The following AXDND1 variants were observed in gnomAD, a reference collection of about 807,000 sequenced individuals.
The protein encoded by AXDND1 is axonemal dynein light chain domain containing 1, also known as axonemal dynein light chain domain-containing protein 1.
In AXDND1, 110 loss-of-function variants were observed where a neutral mutation model predicts 137.5. The observed-to-expected ratio is 0.80, with a 90% CI of 0.69 to 0.94. The LOEUF (loss-of-function observed/expected upper bound fraction) is 0.94. AXDND1 is among the 40% of genes least tolerant of loss of function. The pLI, the probability that AXDND1 is intolerant of heterozygous loss-of-function variation, is 0.00. For missense variants in AXDND1, 1,191 were observed against 1,169.8 expected, an observed-to-expected ratio of 1.02 and a Z score of -0.26; for synonymous variants, 414 against 399.7, an observed-to-expected ratio of 1.04 and a Z score of -0.43.
chr1:179,405,859 C>G (rs1371805250), intron 11 of AXDND1, among the ~76,000 whole-genome samples: 3 of 151,110 alleles, frequency 2.0e-5, no homozygotes, highest in Non-Finnish European at 4.4e-5. Context: ...TTTAGTTTCT[C>G]TCATTTATTT....
chr1:179,511,750 C>G (rs1249748537), intron 21 of AXDND1, among the ~76,000 whole-genome samples: 1 of 152,060 alleles, frequency 6.6e-6, no homozygotes, highest in African/African-American at 2.4e-5. Context: ...TTGATTATGG[C>G]CATTCTTGCA....
intron 21 of AXDND1, among the ~76,000 whole-genome samples, chr1:179,518,787 C>G (rs1385329200): frequency 1.3e-5 from 2 of 152,080 alleles, no homozygotes; most frequent in East Asian, 3.9e-4. Context: ...TCTAGTCTAT[C>G]ATTGATGGAT....
intron 12 of AXDND1, among the ~76,000 whole-genome samples, chr1:179,423,582 A>G (rs967182749): frequency 6.6e-6 from 1 of 151,944 alleles, no homozygotes; most frequent in Non-Finnish European, 1.5e-5. Flanking sequence ...GCCTTTTTTT[A>G]AGTGAATCTG....
intron 15 of AXDND1, among the ~76,000 whole-genome samples, chr1:179,436,733 G>A (rs935620358): frequency 7.2e-5 from 11 of 151,984 alleles, no homozygotes; most frequent in Non-Finnish European, 1.6e-4. Flanking sequence ...AGGACAAATA[G>A]CTAATGCATG....
chr1:179,458,875 G>A (rs893606051), intron 16 of AXDND1, among the ~76,000 whole-genome samples: 5 of 150,412 alleles, frequency 3.3e-5, no homozygotes, highest in Non-Finnish European at 5.9e-5. Flanking sequence ...TTTTTTTTTG[G>A]TGGTTCTAGA....
chr1:179,378,516 C>G, intron 4 of AXDND1, 121 bp from the exon 5 acceptor site: 1 of 618,346 alleles, frequency 1.6e-6, no homozygotes, highest in South Asian at 4.5e-5. Flanking sequence ...GTAAGGAGAT[C>G]AGTTTTGCTG....
Position 179,378,753 on chromosome 1 carries a change from A to C in AXDND1, c.491A>C (p.His164Pro). The change falls in exon 5 of 26, where the codon CAT becomes CCT. Residue 164 changes from histidine to proline, a missense_variant. Coordinates refer to ENST00000367618, the MANE Select transcript of AXDND1 (RefSeq NM_144696.6). ...LQSHDGVIVPHKPKTLTDTLI... is the reference protein window; with the variant it reads ...LQSHDGVIVPPKPKTLTDTLI... ...TCACATGATGGTGTCATTGTGCCCC[A>C]TAAGGTAAATAAAGTATTTGACAAA... is the stretch of plus-strand genomic sequence containing the variant. 6.5e-7 allele frequency: 1 copy of C among 1,537,724 alleles called. No homozygotes were observed. Among genetic ancestry groups the C allele is most frequent in the Non-Finnish European group, 8.8e-7 (1 of 1,140,652 alleles).
intron 5 of AXDND1, among the ~76,000 whole-genome samples, 180 bp downstream of exon 5, chr1:179,378,937 G>C (rs1272253489): frequency 6.6e-6 from 1 of 152,102 alleles, no homozygotes; most frequent in Non-Finnish European, 1.5e-5. Flanking sequence ...AGGGTATTTA[G>C]CAGGAAAAGA....
At chr1:179,476,706 T>G (rs1196596212) in intron 17 of AXDND1, among the ~76,000 whole-genome samples, 2 of 152,196 alleles carry the variant, frequency 1.3e-5, no homozygotes, top group African/African-American at 4.8e-5. Context: ...TTGTTTATTT[T>G]GAGAAGTCAG....
chr1:179,405,814 AGTT>A (rs1434177557), intron 11 of AXDND1, among the ~76,000 whole-genome samples: 1 of 150,806 alleles, frequency 6.6e-6, no homozygotes, highest in African/African-American at 2.4e-5. Flanking sequence ...TTTTTCAAAA[AGTT>A]AACTTTTTAT....
chr1:179,456,223 A>C (rs1661384248), intron 16 of AXDND1: 2 of 792,744 alleles, frequency 2.5e-6, no homozygotes, highest in Admixed American at 3.5e-5. Flanking sequence ...TTGTTTCCTA[A>C]TTAAAATCTG....
intron 12 of AXDND1, among the ~76,000 whole-genome samples, chr1:179,416,011 CCTAT>C (rs913009505): frequency 7.9e-5 from 12 of 152,216 alleles, no homozygotes; most frequent in East Asian, 1.9e-4. Context: ...AGTCAGTCTA[CCTAT>C]CTATCTAACA....
intron 21 of AXDND1, among the ~76,000 whole-genome samples, chr1:179,514,764 T>A (rs1170858715): frequency 6.6e-6 from 1 of 152,178 alleles, no homozygotes; most frequent in Admixed American, 6.5e-5. Flanking sequence ...GGTGCATATA[T>A]GTTTAGGATT....
At chr1:179,482,098 A>ATTTTTTTTTTTTTT (rs57145549) in intron 17 of AXDND1, among the ~76,000 whole-genome samples, 4 of 108,040 alleles carry the variant, frequency 3.7e-5, no homozygotes, top group African/African-American at 1.2e-4. Flanking sequence ...GAGCTTTTTA[A>ATTTTTTTTTTTTTT]TTTTTTTTTT....
chr1:179,395,593 A>G (rs1340769126), intron 11 of AXDND1, among the ~76,000 whole-genome samples: 1 of 152,212 alleles, frequency 6.6e-6, no homozygotes, highest in African/African-American at 2.4e-5. Context: ...AAATTGGGAT[A>G]ATAATATTAC....
At chr1:179,512,993 A>G (rs1202045688) in intron 21 of AXDND1, among the ~76,000 whole-genome samples, 1 of 152,178 alleles carries the variant, frequency 6.6e-6, no homozygotes, top group African/African-American at 2.4e-5. Flanking sequence ...GTAAATGATC[A>G]TATTGTCAGG....
At chr1:179,534,597 T>C in intron 24 of AXDND1, 133 bp from the exon 25 acceptor site, 1 of 1,168,078 alleles carries the variant, frequency 8.6e-7, no homozygotes, top group Non-Finnish European at 1.2e-6. Flanking sequence ...TAATCATTGA[T>C]GCTGTTGCTT....
chr1:179,465,497 G>A (rs1192695475), intron 16 of AXDND1, among the ~76,000 whole-genome samples: 1 of 152,184 alleles, frequency 6.6e-6, no homozygotes, highest in African/African-American at 2.4e-5. Context: ...CGTCTCAGAG[G>A]GGCACCTGGC....
chr1:179,416,813 T>C (rs1654775295), intron 12 of AXDND1, among the ~76,000 whole-genome samples: 1 of 152,220 alleles, frequency 6.6e-6, no homozygotes, highest in Admixed American at 6.5e-5. Flanking sequence ...TGCAGAGATC[T>C]ACCTGTCTTG....
Sources: gnomAD v4.1 joint callset for allele counts (sites outside exome capture counted in the v4.1 genomes callset) on GRCh38, gnomAD v4.1.1 for gene constraint, MANE v1.5 for transcripts, NCBI Gene and HGNC (gene_info 2026-07-23, HGNC 2026-07-21) for gene names.